Variants in PALM2AKAP2 observed in about 807,000 individuals in gnomAD.
PALM2AKAP2 encodes the protein PALM2-AKAP2 fusion protein.
In PALM2AKAP2, 37 loss-of-function variants were observed where a neutral mutation model predicts 71.5. That is an observed-to-expected ratio of 0.52 (90% confidence interval 0.40 to 0.68). The LOEUF (loss-of-function observed/expected upper bound fraction) is 0.68. PALM2AKAP2 is among the 30% of genes least tolerant of loss of function. PALM2AKAP2 has a pLI of 0.00. For missense variants in PALM2AKAP2, 1,224 were observed against 1,191.8 expected (o/e 1.03, Z -0.40); for synonymous variants, 468 against 478.8 (o/e 0.98, Z 0.29).
At chr9:110,136,643 C>T (rs775470940) in exon 2 of PALM2AKAP2, 2 of 1,614,138 alleles carry the variant, frequency 1.2e-6, no homozygotes, top group East Asian at 4.5e-5. Flanking sequence ...TGGCCATTCC[C>T]CCAGCCAGCC....
intron 1 of PALM2AKAP2, among the ~76,000 whole-genome samples, chr9:110,109,115 C>T (rs1381045468): frequency 2.0e-5 from 3 of 151,914 alleles, no homozygotes; most frequent in South Asian, 4.2e-4. Context: ...GTCAGGAGTT[C>T]GAGACCAACC....
At chr9:109,667,619 ATC>A (rs1297885248) in intron 1 of PALM2AKAP2, among the ~76,000 whole-genome samples, 2 of 151,978 alleles carry the variant, frequency 1.3e-5, no homozygotes, top group Non-Finnish European at 2.9e-5. Flanking sequence ...GTGAAACCCC[ATC>A]TCTACTAAAA....
At chr9:109,979,464 A>T (rs776940821) in intron 6 of PALM2AKAP2, among the ~76,000 whole-genome samples, 7 of 152,196 alleles carry the variant, frequency 4.6e-5, no homozygotes, top group Non-Finnish European at 1.0e-4. Context: ...GAATGTCAGT[A>T]GCCCCTGTCT....
intron 1 of PALM2AKAP2, among the ~76,000 whole-genome samples, chr9:109,761,405 T>A (rs1472920763): frequency 1.3e-5 from 2 of 152,216 alleles, no homozygotes; most frequent in Non-Finnish European, 2.9e-5. Flanking sequence ...ATGTGCAGAA[T>A]GTGCAGGTTT....
chr9:110,089,984 A>G (rs561694375), intron 1 of PALM2AKAP2, among the ~76,000 whole-genome samples: 50 of 152,342 alleles, frequency 3.3e-4, no homozygotes, highest in African/African-American at 1.1e-3. Flanking sequence ...ATCCTATTAC[A>G]TTTGAATTCA....
Position 109,832,713 on chromosome 9 carries a change from C to A in PALM2AKAP2, c.46-34778C>A, listed in dbSNP as rs553377624. Among the ~76,000 whole-genome samples, 8 of 152,284 alleles carry A rather than the reference C, an allele frequency of 5.3e-5. No individual in the cohort carries two copies. The East Asian group carries it at 9.6e-4, about 18-fold the overall frequency. ...ACTTCTCAGCCATAGTGCCAAAGAA[C>A]ATTATCAGACCCAATTCCCTATATC... On this transcript the variant is annotated intron_variant, in intron 1 of 9. Transcript: ENST00000302798.
chr9:109,959,090 C>T (rs1831802653), intron 6 of PALM2AKAP2, among the ~76,000 whole-genome samples: 1 of 152,164 alleles, frequency 6.6e-6, no homozygotes, highest in Admixed American at 6.5e-5. Flanking sequence ...TGCCACTGCT[C>T]CCCTATTCTA....
intron 3 of PALM2AKAP2, among the ~76,000 whole-genome samples, chr9:109,920,631 G>T (rs925722421): frequency 6.6e-6 from 1 of 151,802 alleles, no homozygotes; most frequent in Non-Finnish European, 1.5e-5. Context: ...CGCCTGCCTC[G>T]GCCTCCCAAA....
At chr9:109,706,127 C>A (rs186065093) in intron 1 of PALM2AKAP2, among the ~76,000 whole-genome samples, 3 of 152,186 alleles carry the variant, frequency 2.0e-5, no homozygotes, top group African/African-American at 7.2e-5. Context: ...AATTTTAATA[C>A]CTTTTCAAAA....
intron 1 of PALM2AKAP2, among the ~76,000 whole-genome samples, chr9:109,784,007 T>C (rs1321829739): frequency 1.3e-5 from 2 of 152,204 alleles, no homozygotes; most frequent in South Asian, 2.1e-4. Context: ...ATGACTCTTA[T>C]CCTAATTTCT....
chr9:109,692,738 G>T (rs1168884911), intron 1 of PALM2AKAP2, among the ~76,000 whole-genome samples: 1 of 151,966 alleles, frequency 6.6e-6, no homozygotes, highest in African/African-American at 2.4e-5. Flanking sequence ...AATTACATTA[G>T]TAAATTAATT....
chr9:109,879,016 C>T (rs796475143), intron 2 of PALM2AKAP2, among the ~76,000 whole-genome samples: 15 of 152,274 alleles, frequency 9.9e-5, no homozygotes, highest in African/African-American at 3.4e-4. Context: ...GGATTACAGG[C>T]GCGAGCCACC....
intron 1 of PALM2AKAP2, among the ~76,000 whole-genome samples, chr9:109,664,778 G>A (rs1213998034): frequency 6.6e-6 from 1 of 152,212 alleles, no homozygotes; most frequent in African/African-American, 2.4e-5. Flanking sequence ...ATACCCTGAA[G>A]AGTGTTTTAC....
chr9:110,136,514 C>G lies in PALM2AKAP2; in HGVS notation c.544C>G (p.Pro182Ala), dbSNP rs754058728. Residue 182 changes from proline to alanine, a missense_variant, in exon 2 of 4, where the codon CCT (proline) becomes GCT (alanine). Physicochemically the swap from Pro to Ala is conservative, Grantham distance 27. Transcript: ENST00000374525. ...GGTTCTGGTGGGCGGCCTAAGCCCC[C>G]CTGTCCACGAGGCGACCCAGCCAGA... 4.6e-5 allele frequency: 75 copies of G among 1,613,770 alleles called. No individual in the cohort carries two copies. The highest frequency in any genetic ancestry group is 5.8e-5 in the Non-Finnish European group (68 of 1,180,050).
chr9:109,670,093 TC>T (rs1827551952), intron 1 of PALM2AKAP2, among the ~76,000 whole-genome samples: 1 of 152,162 alleles, frequency 6.6e-6, no homozygotes, highest in Admixed American at 6.5e-5. Context: ...ATTTTAGCTG[TC>T]ATTTAGCTTG....
chr9:109,641,006 C>G, intron 1 of PALM2AKAP2: 13 of 1,269,246 alleles, frequency 1.0e-5, no homozygotes, highest in Non-Finnish European at 1.3e-5. Flanking sequence ...CCTGGTGTTT[C>G]TATAGCAGCC....
At chr9:109,842,568 A>G (rs75467842) in intron 1 of PALM2AKAP2, among the ~76,000 whole-genome samples, 13,916 of 152,314 alleles carry the variant, frequency 0.091, 700 homozygotes, top group East Asian at 0.16. Flanking sequence ...ATTAAAATCT[A>G]TAATGAACAA....
At chr9:109,701,977 G>GAC (rs1828068117) in intron 1 of PALM2AKAP2, among the ~76,000 whole-genome samples, 1 of 152,170 alleles carries the variant, frequency 6.6e-6, no homozygotes, top group South Asian at 2.1e-4. Flanking sequence ...GCAGCCAAAA[G>GAC]ACACACGAAA....
At chr9:109,740,653 G>A (rs762162466) in intron 1 of PALM2AKAP2, among the ~76,000 whole-genome samples, 2 of 152,086 alleles carry the variant, frequency 1.3e-5, no homozygotes, top group African/African-American at 2.4e-5. Context: ...AATAATATAA[G>A]GACTTTTGCC....
Sources: gnomAD v4.1 joint callset for allele counts (sites outside exome capture counted in the v4.1 genomes callset) on GRCh38, gnomAD v4.1.1 for gene constraint, MANE v1.5 for transcripts, NCBI Gene and HGNC (gene_info 2026-07-23, HGNC 2026-07-21) for gene names.